Variants in CCZ1 observed in about 807,000 individuals in gnomAD.
CCZ1 encodes the protein CCZ1 vacuolar protein trafficking and biogenesis associated.
CCZ1 carries 19 observed loss-of-function variants against 57.8 expected under a neutral mutation model. The ratio of observed to expected loss-of-function variants is 0.33; its 90% confidence interval spans 0.23 to 0.48. CCZ1 has a LOEUF of 0.48. CCZ1 is among the 20% of genes least tolerant of loss of function. CCZ1 has a pLI of 0.99. For missense variants in CCZ1, 200 were observed against 492.0 expected (o/e 0.41, Z 5.61); for synonymous variants, 81 against 167.0 (o/e 0.49, Z 3.97).
chr7:5,907,248 A>C lies in CCZ1; in HGVS notation c.698+1979A>C, dbSNP rs1056644013. ...TAGTTGCTTTCTGTGATATGTACAC[A>C]ATGTTACTAAAGTGAAATTCTGCTG... is the stretch of plus-strand genomic sequence containing the variant. On this transcript the variant is annotated intron_variant, in intron 7 of 14. Coordinates refer to ENST00000325974, the MANE Select transcript of CCZ1 (RefSeq NM_015622.6). 1.4e-4 allele frequency among the ~76,000 whole-genome samples: 21 copies of C among 149,582 alleles called. 2 individuals carry two copies. Among genetic ancestry groups the C allele is most frequent in the African/African-American group, 5.2e-4 (21 of 40,416 alleles).
At chr7:5,909,908 T>C in intron 7 of CCZ1, 127 bp from the exon 8 acceptor site, 1 of 687,870 alleles carries the variant, frequency 1.5e-6, no homozygotes, top group Admixed American at 3.0e-5. Flanking sequence ...TTTAAAAAGT[T>C]AGAATTTATT....
rs145422844 is a variant in CCZ1, at chr7:5,905,456, A to C, written c.698+187A>C. 1.4e-5 allele frequency among the ~76,000 whole-genome samples: 2 copies of C among 144,668 alleles called. 1 individual carries two copies. Among genetic ancestry groups the C allele is most frequent in the East Asian group, 4.7e-4 (2 of 4,246 alleles). 94.9% of individuals were successfully genotyped at this position (144,668 alleles called of 152,430 possible). A position where few individuals can be genotyped will look rare whatever the true frequency, so the allele number is the denominator to read the frequency against. ...GCAGAACTAGGGTGATTTGGGTTCA[A>C]ATTTCCAAGCAGAGGAGTTTAAAAC... On this transcript the variant is annotated intron_variant, in intron 7 of 14. Coordinates refer to ENST00000325974, the MANE Select transcript of CCZ1 (RefSeq NM_015622.6).
intron 8 of CCZ1, among the ~76,000 whole-genome samples, chr7:5,910,506 T>C (rs1781944217): frequency 6.8e-6 from 1 of 147,068 alleles, no homozygotes; most frequent in Non-Finnish European, 1.5e-5. Flanking sequence ...TTTTTGTATT[T>C]TTAGTAGAGA....
intron 8 of CCZ1, among the ~76,000 whole-genome samples, chr7:5,910,675 A>G (rs1286074741): frequency 7.8e-6 from 1 of 128,542 alleles, no homozygotes; most frequent in Non-Finnish European, 1.6e-5. Flanking sequence ...GGAAAATTGG[A>G]TTTTACTTTA....
At chr7:5,901,970 G>T (rs1375138972) in intron 5 of CCZ1, 18 of 440,008 alleles carry the variant, frequency 4.1e-5, no homozygotes, top group Non-Finnish European at 6.2e-5. Context: ...CTCAAGGAAT[G>T]TACAGAATGC....
intron 7 of CCZ1, among the ~76,000 whole-genome samples, chr7:5,909,074 G>A (rs1360592770): frequency 2.8e-5 from 4 of 143,612 alleles, no homozygotes; most frequent in East Asian, 2.3e-4. Flanking sequence ...AATCCTACAC[G>A]GAATTCAACC....
Position 5,905,090 on chromosome 7 carries a change from A to G in CCZ1, c.523-4A>G, listed in dbSNP as rs371205417. 79 of 1,599,072 alleles carry G rather than the reference A, an allele frequency of 4.9e-5. 3 individuals carry two copies. The highest frequency in any genetic ancestry group is 6.1e-5 in the Non-Finnish European group (72 of 1,178,020). On this transcript the variant is annotated splice_region_variant and splice_polypyrimidine_tract_variant and intron_variant, in intron 6 of 14. Transcript: ENST00000325974. ...AATTTTATGCCTTATTTTTTTTCCC[A>G]CAGTATTTGCAAACGCTACATTTGC...
chr7:5,920,440 CTG>C (rs1218655371), intron 12 of CCZ1, among the ~76,000 whole-genome samples: 2 of 116,082 alleles, frequency 1.7e-5, no homozygotes, highest in Admixed American at 1.7e-4. Flanking sequence ...TCTCTAGACA[CTG>C]AAATGTCCTT....
At chr7:5,913,079 T>C (rs894591233) in intron 10 of CCZ1, 125 bp downstream of exon 10, 22 of 733,946 alleles carry the variant, frequency 3.0e-5, no homozygotes, top group East Asian at 1.4e-4. Flanking sequence ...GTTCTGATTA[T>C]GGTAAAACTC....
intron 9 of CCZ1, among the ~76,000 whole-genome samples, chr7:5,912,527 G>A (rs1224658784): frequency 6.8e-6 from 1 of 146,280 alleles, no homozygotes; most frequent in African/African-American, 2.6e-5. Flanking sequence ...AGCCTCTTGA[G>A]TAGCTGGGAT....
At chr7:5,920,454 A>T in intron 12 of CCZ1, among the ~76,000 whole-genome samples, 1 of 95,936 alleles carries the variant, frequency 1.0e-5, no homozygotes, top group Admixed American at 1.1e-4. Flanking sequence ...AATGTCCTTG[A>T]ATTCTTTCTC....
Position 5,926,274 on chromosome 7 carries a change from AAC to A in CCZ1, c.*590_*591del. 4.2e-6 allele frequency: 3 copies of A among 721,982 alleles called. No homozygotes were observed. Among genetic ancestry groups the A allele is most frequent in the Non-Finnish European group, 6.8e-6 (3 of 439,176 alleles). The allele number at this position is 721,982 out of a possible 1,614,324, so 44.7% of individuals were successfully genotyped here. A position where few individuals can be genotyped will look rare whatever the true frequency, so the allele number is the denominator to read the frequency against. ...TGCAGTGGGCCAAGGGGTATGTTAA[AAC>A]ACTGTGACGAGTTCAGTGCTAAGAA... On this transcript the variant is annotated 3_prime_UTR_variant, in exon 15 of 15. Coordinates refer to ENST00000325974, the MANE Select transcript of CCZ1 (RefSeq NM_015622.6).
intron 7 of CCZ1, among the ~76,000 whole-genome samples, chr7:5,906,536 T>G (rs1167654834): frequency 6.7e-6 from 1 of 148,392 alleles, no homozygotes; most frequent in Non-Finnish European, 1.5e-5. Flanking sequence ...TTGGCCAGGC[T>G]GGTCCTAAAC....
chr7:5,904,883 A>G (rs1385149925), intron 6 of CCZ1, among the ~76,000 whole-genome samples: 3 of 148,296 alleles, frequency 2.0e-5, no homozygotes, highest in Non-Finnish European at 1.5e-5. Flanking sequence ...CATTAAGTAG[A>G]TATGTTTGAA....
At chr7:5,925,419 A>T in intron 14 of CCZ1, 1 of 501,076 alleles carries the variant, frequency 2.0e-6, no homozygotes, top group South Asian at 2.2e-5. Flanking sequence ...GTGAGCCAAG[A>T]TCACACCACT....
intron 10 of CCZ1, among the ~76,000 whole-genome samples, chr7:5,914,119 G>C (rs182708737): frequency 3.1e-4 from 46 of 147,624 alleles, no homozygotes; most frequent in African/African-American, 1.1e-3. Context: ...TTAAAAATTA[G>C]TATCCACTAA....
chr7:5,911,384 T>G (rs1231642417), intron 8 of CCZ1, among the ~76,000 whole-genome samples: 1 of 148,850 alleles, frequency 6.7e-6, no homozygotes, highest in Non-Finnish European at 1.5e-5. Flanking sequence ...ACTCGCATGG[T>G]CTCAAACTCC....
intron 7 of CCZ1, among the ~76,000 whole-genome samples, chr7:5,905,592 G>A (rs1425115332): frequency 6.9e-6 from 1 of 144,722 alleles, no homozygotes; most frequent in Admixed American, 6.8e-5. Context: ...GACCAGCCTG[G>A]TCAACATAGT....
In CCZ1 at chr7:5,902,289, T is replaced by G. The variant is rs2128610499; in HGVS notation, c.439-372T>G. 2.3e-5 allele frequency: 5 copies of G among 220,552 alleles called. No individual in the cohort carries two copies. The South Asian group carries it at 2.8e-4, about 12-fold the overall frequency. 13.7% of individuals were successfully genotyped at this position (220,552 alleles called of 1,614,324 possible). A position where few individuals can be genotyped will look rare whatever the true frequency, so the allele number is the denominator to read the frequency against. ...CTCTACCCTGGGCAACAGAGCGAGA[T>G]TCCATCTCAAAAAAAAAAAAAAAAA... On this transcript the variant is annotated intron_variant, in intron 5 of 14. Transcript: ENST00000325974.
Sources: allele counts gnomAD v4.1 joint callset (sites outside exome capture counted in the v4.1 genomes callset), GRCh38; gene constraint gnomAD v4.1.1; transcripts MANE v1.5; gene names NCBI Gene and HGNC (gene_info 2026-07-23, HGNC 2026-07-21).